Variants in MYO18A observed in about 807,000 individuals in gnomAD.
The protein encoded by MYO18A is unconventional myosin-XVIIIa.
MYO18A carries 78 observed loss-of-function variants against 235.8 expected under a neutral mutation model. The ratio of observed to expected loss-of-function variants is 0.33; its 90% confidence interval spans 0.28 to 0.40. The LOEUF is 0.40. MYO18A is among the 10% of genes least tolerant of loss of function. The pLI is 1.00. For missense variants in MYO18A, 2,215 were observed against 2,699.3 expected, an observed-to-expected ratio of 0.82 and a Z score of 3.98; for synonymous variants, 977 against 1,077.8, an observed-to-expected ratio of 0.91 and a Z score of 1.83.
At chr17:29,113,937 G>A in intron 15 of MYO18A, 74 bp downstream of exon 15, 1 of 1,243,014 alleles carries the variant, frequency 8.0e-7, no homozygotes, top group Non-Finnish European at 1.1e-6. Context: ...GCTCAGATGG[G>A]GAGGGCTCCA....
rs532737078 is a variant in MYO18A at position 29,071,904 on chromosome 17, C to G, written c.*2866G>C. The G allele has an allele frequency of 6.6e-6, 1 of 152,170 alleles. No homozygotes were observed. Among genetic ancestry groups the G allele is most frequent in the Non-Finnish European group, 1.5e-5 (1 of 68,044 alleles). 9.4% of individuals were successfully genotyped at this position (152,170 alleles called of 1,614,324 possible). On this transcript the variant is annotated 3_prime_UTR_variant, in exon 42 of 42. Transcript: ENST00000527372. ...AAGGGACCTTATCCATCACCAGCAC[C>G]CAGAATGGGGCCTAGGCACAGCAGG...
chr17:29,085,313 G>A (rs2066225689), intron 40 of MYO18A, among the ~76,000 whole-genome samples: 1 of 152,242 alleles, frequency 6.6e-6, no homozygotes, highest in African/African-American at 2.4e-5. Flanking sequence ...TGGAGCTCAG[G>A]AAGGTAAACT....
intron 10 of MYO18A, 45 bp from the exon 11 acceptor site, chr17:29,116,500 GTGTTAGCAAA>G (rs769150053): frequency 6.2e-7 from 1 of 1,613,700 alleles, no homozygotes; most frequent in South Asian, 1.1e-5. Flanking sequence ...GAAAAACAGT[GTGTTAGCAAA>G]CAGTCATCAA....
chr17:29,074,209 G>A lies in MYO18A; in HGVS notation c.*561C>T, dbSNP rs778894347. The A allele has an allele frequency of 1.3e-5, 20 of 1,579,546 alleles. No homozygotes were observed. The highest frequency in any genetic ancestry group is 1.1e-4 in the African/African-American group (8 of 74,264). On this transcript the variant is annotated 3_prime_UTR_variant, in exon 42 of 42. Coordinates refer to ENST00000527372, the MANE Select transcript of MYO18A (RefSeq NM_078471.4). This position sits in a 1 kb window ranked among gnomAD's most constrained non-coding sequence, Gnocchi z 4.4. Reference sequence around the variant, plus strand: ...AAGATGGAGATGACATTCCCGAGTCGTTCTTGGGAGCCCCAGCTACCACTA... The same window carrying A: ...AAGATGGAGATGACATTCCCGAGTCATTCTTGGGAGCCCCAGCTACCACTA...
chr17:29,138,109 C>A (rs1429823403), intron 2 of MYO18A, among the ~76,000 whole-genome samples: 2 of 152,128 alleles, frequency 1.3e-5, no homozygotes, highest in African/African-American at 2.4e-5. Context: ...ACTCTCTGGG[C>A]CCCTCACAGG....
intron 21 of MYO18A, among the ~76,000 whole-genome samples, chr17:29,101,126 T>C (rs1214290579): frequency 6.6e-6 from 1 of 151,866 alleles, no homozygotes; most frequent in Non-Finnish European, 1.5e-5. Flanking sequence ...GCCTCCCCAG[T>C]AGCTGGGACT....
chr17:29,131,233 C>T (rs545495808), intron 2 of MYO18A: 6 of 267,822 alleles, frequency 2.2e-5, no homozygotes, highest in Non-Finnish European at 3.4e-5. Flanking sequence ...CCCTGCAATC[C>T]CCACCTACTC....
In MYO18A at chr17:29,094,788, C is replaced by A. The variant is rs1160221879; in HGVS notation, c.4572G>T (p.Gln1524His). The A allele has an allele frequency of 1.2e-6, 2 of 1,613,940 alleles. No homozygotes were observed. Among genetic ancestry groups the A allele is most frequent in the East Asian group, 2.2e-5 (1 of 44,880 alleles). The change falls in exon 30 of 42, where the codon CAG becomes CAT. Residue 1524 changes from glutamine (Q) to histidine (H), a missense_variant. Transcript: ENST00000527372. ...CCTTGGACTCTTGGGAAGAAATGTCCTGGAGCTCTGCCTCTAGAGACACAA... is the reference window on the plus strand; with the variant it reads ...CCTTGGACTCTTGGGAAGAAATGTCATGGAGCTCTGCCTCTAGAGACACAA... ...QKVVSLEAEL[Q>H]DISSQESKDE...
rs1391617771 is a variant in MYO18A, at chr17:29,121,837, C to T, written c.1194+14G>A. On this transcript the variant is annotated intron_variant, in intron 4 of 41. Coordinates refer to ENST00000527372, the MANE Select transcript of MYO18A (RefSeq NM_078471.4). This position sits in a 1 kb window ranked among gnomAD's most constrained non-coding sequence, Gnocchi z 4.2. ...TGAGCCTCCTCCCCCACACCCAGCCCCCTGCCCACCTACCTTCTCAACGTC... is the reference window on the plus strand; with the variant it reads ...TGAGCCTCCTCCCCCACACCCAGCCTCCTGCCCACCTACCTTCTCAACGTC... The T allele has an allele frequency of 1.2e-6, 2 of 1,613,716 alleles. No individual in the cohort carries two copies. Among genetic ancestry groups the T allele is most frequent in the Non-Finnish European group, 1.7e-6 (2 of 1,179,700 alleles).
chr17:29,088,350 A>G (rs11656125), intron 37 of MYO18A, among the ~76,000 whole-genome samples: 88,095 of 151,852 alleles, frequency 0.58, 26,685 homozygotes, highest in East Asian at 0.89. Context: ...CACCGCGCCC[A>G]GCCGAAAATA....
rs769998952 is a variant in MYO18A, at chr17:29,107,154, G to A, written c.3367C>T (p.Arg1123Cys). The A allele has an allele frequency of 6.8e-6, 11 of 1,613,852 alleles. No individual in the cohort carries two copies. The highest frequency in any genetic ancestry group is 4.5e-5 in the East Asian group (2 of 44,892). ...TGCGGGGCCAGGACATCAAAGCGGC[G>A]GCGGAACTCGGAAAACACCATGTGG... ...PDHMVFSEFR[R>C]RFDVLAPHLT... Residue 1123 changes from arginine (R) to cysteine (C), a missense_variant, in exon 20 of 42, where the codon CGC becomes TGC. Coordinates refer to ENST00000527372, the MANE Select transcript of MYO18A (RefSeq NM_078471.4).
chr17:29,179,597 G>C (rs1371195545), intron 1 of MYO18A, among the ~76,000 whole-genome samples: 2 of 152,140 alleles, frequency 1.3e-5, no homozygotes, highest in African/African-American at 4.8e-5. Context: ...CAGCTTGTCC[G>C]ACCTTCCCAC....
At chr17:29,099,039 TC>T in intron 22 of MYO18A, 70 bp from the exon 23 acceptor site, 1 of 1,586,290 alleles carries the variant, frequency 6.3e-7, no homozygotes. Flanking sequence ...CCCAGGATCC[TC>T]CCCACCACCA....
At chr17:29,149,383 T>C (rs969877089) in intron 2 of MYO18A, among the ~76,000 whole-genome samples, 3 of 152,202 alleles carry the variant, frequency 2.0e-5, no homozygotes, top group African/African-American at 7.2e-5. Context: ...GGGGCTTGTC[T>C]AGAGACAAGC....
rs189012245 is a variant in MYO18A at position 29,072,099 on chromosome 17, G to C, written c.*2671C>G. ...TTGGGAATTCATCTAAAGGTGGCAG[G>C]GAGTTTGTCACACTAGTCCCTAGTA... On this transcript the variant is annotated 3_prime_UTR_variant, in exon 42 of 42. Transcript: ENST00000527372. 1.2e-4 allele frequency: 19 copies of C among 152,108 alleles called. No homozygotes were observed. In the East Asian group the frequency reaches 3.7e-3, roughly 29 times the overall value. 9.4% of individuals were successfully genotyped at this position (152,108 alleles called of 1,614,324 possible). A position where few individuals can be genotyped will look rare whatever the true frequency, so the allele number is the denominator to read the frequency against.
chr17:29,081,865 G>A (rs1266650566), intron 41 of MYO18A, among the ~76,000 whole-genome samples: 1 of 152,176 alleles, frequency 6.6e-6, no homozygotes, highest in Non-Finnish European at 1.5e-5. Context: ...GGCAGAAAAA[G>A]ACAGAAATGT....
intron 27 of MYO18A, 27 bp from the exon 28 acceptor site, chr17:29,096,942 C>T: frequency 1.3e-6 from 2 of 1,519,100 alleles, no homozygotes; most frequent in Non-Finnish European, 1.8e-6. Flanking sequence ...GGTGCATATA[C>T]AGAGAGACCC....
At chr17:29,143,648 A>G (rs2067790156) in intron 2 of MYO18A, among the ~76,000 whole-genome samples, 1 of 152,196 alleles carries the variant, frequency 6.6e-6, no homozygotes, top group African/African-American at 2.4e-5. Flanking sequence ...TTTTTAAGGG[A>G]TAAAAGATTT....
intron 40 of MYO18A, among the ~76,000 whole-genome samples, chr17:29,083,733 C>T (rs1337224273): frequency 6.6e-6 from 1 of 152,110 alleles, no homozygotes; most frequent in African/African-American, 2.4e-5. Flanking sequence ...TAATGCAAGC[C>T]CTGTGCCCGT....
Sources: gnomAD v4.1 joint callset for allele counts (sites outside exome capture counted in the v4.1 genomes callset) on GRCh38, gnomAD v4.1.1 for gene constraint, Gnocchi (gnomAD v3.1) non-coding constraint, MANE v1.5 for transcripts, NCBI Gene and HGNC (gene_info 2026-07-23, HGNC 2026-07-21) for gene names.